The following GRM8 variants were observed in gnomAD, a reference collection of about 807,000 sequenced individuals.
The protein encoded by GRM8 is metabotropic glutamate receptor 8.
Under a neutral mutation model 87.2 loss-of-function variants are expected in GRM8, and 47 were observed. The observed-to-expected ratio is 0.54, with a 90% CI of 0.43 to 0.69. The LOEUF (loss-of-function observed/expected upper bound fraction) is 0.69, where lower values mean the gene tolerates loss of function less well. Ranked by LOEUF, GRM8 falls within the 30% of genes least tolerant of loss-of-function variation. The pLI is 0.00. For synonymous variants in GRM8, 396 were observed against 404.5 expected (o/e 0.98, Z 0.25); for missense variants, 1,019 against 1,139.2 (o/e 0.89, Z 1.52).
chr7:126,832,226 A>G (rs1390690124), intron 6 of GRM8, among the ~76,000 whole-genome samples: 1 of 151,982 alleles, frequency 6.6e-6, no homozygotes, highest in Non-Finnish European at 1.5e-5. Flanking sequence ...GAAGTGCCAT[A>G]GTGGACTAGA....
intron 9 of GRM8, among the ~76,000 whole-genome samples, chr7:126,498,415 A>C (rs7808710): frequency 0.042 from 6,431 of 152,028 alleles, 421 homozygotes; most frequent in African/African-American, 0.15. Flanking sequence ...CCTTTGACCC[A>C]TGACCATTAG....
chr7:127,191,386 C>T (rs1795021710), intron 2 of GRM8, among the ~76,000 whole-genome samples: 1 of 152,146 alleles, frequency 6.6e-6, no homozygotes, highest in Non-Finnish European at 1.5e-5. Flanking sequence ...ATTTCAATCC[C>T]TTAACCTTCT....
intron 3 of GRM8, among the ~76,000 whole-genome samples, chr7:127,071,824 C>T (rs934299071): frequency 2.0e-5 from 3 of 152,054 alleles, no homozygotes; most frequent in South Asian, 4.2e-4. Context: ...CAACTGGCCT[C>T]TTCTCCACTC....
intron 3 of GRM8, among the ~76,000 whole-genome samples, chr7:126,978,600 C>T (rs577619982): frequency 6.6e-6 from 1 of 152,294 alleles, no homozygotes; most frequent in East Asian, 1.9e-4. Context: ...AGCTACTGAT[C>T]ACTCTCTCTC....
At chr7:126,638,668 A>G (rs1315521511) in intron 7 of GRM8, among the ~76,000 whole-genome samples, 2 of 152,178 alleles carry the variant, frequency 1.3e-5, no homozygotes, top group Non-Finnish European at 2.9e-5. Flanking sequence ...TCAAGTATAA[A>G]TCACTAGGAT....
At chr7:126,984,511 C>A (rs1323144429) in intron 3 of GRM8, among the ~76,000 whole-genome samples, 1 of 152,206 alleles carries the variant, frequency 6.6e-6, no homozygotes. Flanking sequence ...ATATCTTTCT[C>A]CCGTGCTAGA....
chr7:126,788,420 A>AAAAAAAAAAAAAAAACAAAAAAC, intron 6 of GRM8, among the ~76,000 whole-genome samples: 3 of 81,130 alleles, frequency 3.7e-5, no homozygotes, highest in African/African-American at 1.4e-4. Flanking sequence ...AAAAAAAAAA[A>AAAAAAAAAAAAAAAACAAAAAAC]AAACCCTTTC....
At chr7:126,748,562 T>C (rs572720015) in intron 7 of GRM8, among the ~76,000 whole-genome samples, 81 of 150,284 alleles carry the variant, frequency 5.4e-4, no homozygotes, top group African/African-American at 1.9e-3. Flanking sequence ...TCCAAATCTA[T>C]AGATTCAATG....
chr7:126,562,336 G>A (rs777931445), intron 8 of GRM8, among the ~76,000 whole-genome samples: 18 of 152,204 alleles, frequency 1.2e-4, no homozygotes, highest in Non-Finnish European at 2.4e-4. Context: ...TAATAGGAAT[G>A]TGTACACTCC....
At chr7:126,883,959 A>G (rs16871742) in intron 6 of GRM8, among the ~76,000 whole-genome samples, 28,634 of 152,046 alleles carry the variant, frequency 0.19, 2,836 homozygotes, top group East Asian at 0.28. Flanking sequence ...TGAAAGAAAT[A>G]AAATTAGACA....
chr7:127,220,742 G>A (rs1408722025), intron 2 of GRM8, among the ~76,000 whole-genome samples: 1 of 152,122 alleles, frequency 6.6e-6, no homozygotes, highest in East Asian at 1.9e-4. Context: ...CCCTATCTTG[G>A]CCTCCCAAGT....
intron 8 of GRM8, among the ~76,000 whole-genome samples, chr7:126,563,489 C>T (rs1472768145): frequency 6.6e-6 from 1 of 152,062 alleles, no homozygotes; most frequent in African/African-American, 2.4e-5. Context: ...TAAGAGGAGT[C>T]AGAGAGCCAT....
chr7:127,180,078 G>T (rs1794347338), intron 2 of GRM8, among the ~76,000 whole-genome samples: 1 of 151,780 alleles, frequency 6.6e-6, no homozygotes, highest in Non-Finnish European at 1.5e-5. Context: ...TATTTAAAAA[G>T]ATAAATAAAA....
intron 3 of GRM8, among the ~76,000 whole-genome samples, chr7:127,044,886 C>A (rs1646225915): frequency 6.6e-6 from 1 of 152,080 alleles, no homozygotes; most frequent in African/African-American, 2.4e-5. Context: ...ATAGCAAAAC[C>A]TACATATCCA....
chr7:126,770,189 G>A, intron 6 of GRM8, 124 bp from the exon 7 acceptor site: 1 of 658,528 alleles, frequency 1.5e-6, no homozygotes. Context: ...TTTCACTTCT[G>A]ATTAATTCTA....
intron 2 of GRM8, among the ~76,000 whole-genome samples, chr7:127,195,397 T>C (rs1795229549): frequency 6.6e-6 from 1 of 152,176 alleles, no homozygotes; most frequent in South Asian, 2.1e-4. Flanking sequence ...GGGGAAAATC[T>C]TAACTAATCA....
intron 9 of GRM8, among the ~76,000 whole-genome samples, chr7:126,525,993 A>C (rs1009995571): frequency 2.0e-5 from 3 of 152,162 alleles, no homozygotes; most frequent in Admixed American, 6.5e-5. Context: ...TCCACACTTT[A>C]AGGTAGGTGG....
chr7:126,731,424 T>C (rs1813569019), intron 7 of GRM8, among the ~76,000 whole-genome samples: 1 of 152,150 alleles, frequency 6.6e-6, no homozygotes, highest in Admixed American at 6.6e-5. Context: ...CCCTTTCCTA[T>C]ATTTATCTTT....
intron 9 of GRM8, among the ~76,000 whole-genome samples, chr7:126,460,164 T>C (rs1459977069): frequency 6.6e-6 from 1 of 151,588 alleles, no homozygotes; most frequent in Non-Finnish European, 1.5e-5. Context: ...AATTGGTCAC[T>C]ATCATGTCTG....
Sources: gnomAD v4.1 joint callset for allele counts (sites outside exome capture counted in the v4.1 genomes callset) on GRCh38, gnomAD v4.1.1 for gene constraint, MANE v1.5 for transcripts, NCBI Gene and HGNC (gene_info 2026-07-23, HGNC 2026-07-21) for gene names.